Variants in ERC2 observed in about 807,000 individuals in gnomAD.
ERC2 encodes the protein ELKS/RAB6-interacting/CAST family member 2, also known as ERC protein 2.
A neutral mutation model predicts 114.8 loss-of-function variants in ERC2; 42 were observed. The ratio of observed to expected loss-of-function variants is 0.37; its 90% confidence interval spans 0.29 to 0.47. The LOEUF (loss-of-function observed/expected upper bound fraction) is 0.47. ERC2 is among the 20% of genes least tolerant of loss of function. The pLI is 0.99. For synonymous variants in ERC2, 454 were observed against 425.5 expected (o/e 1.07, Z -0.82); for missense variants, 939 against 1,150.7 (o/e 0.82, Z 2.66).
At chr3:56,218,034 C>A (rs1038312319) in intron 3 of ERC2, among the ~76,000 whole-genome samples, 2 of 152,172 alleles carry the variant, frequency 1.3e-5, no homozygotes, top group African/African-American at 4.8e-5. Context: ...ACCATAAAAA[C>A]CCTAGAAGAA....
At chr3:55,743,828 C>A (rs937526993) in intron 14 of ERC2, among the ~76,000 whole-genome samples, 1 of 152,086 alleles carries the variant, frequency 6.6e-6, no homozygotes, top group Non-Finnish European at 1.5e-5. Flanking sequence ...CTCACTGTCT[C>A]TGAAACTTCA....
intron 7 of ERC2, among the ~76,000 whole-genome samples, chr3:56,067,429 C>A (rs2076532925): frequency 6.6e-6 from 1 of 152,172 alleles, no homozygotes; most frequent in Non-Finnish European, 1.5e-5. Context: ...AGTTGCTTAT[C>A]ACCTTAAGGA....
chr3:56,288,462 G>C (rs911706694), intron 3 of ERC2, among the ~76,000 whole-genome samples: 1 of 152,092 alleles, frequency 6.6e-6, no homozygotes, highest in African/African-American at 2.4e-5. Context: ...AATGCCTTGT[G>C]TCTAATGGCT....
intron 17 of ERC2, chr3:55,610,491 C>G (rs1051974611): frequency 6.8e-6 from 1 of 146,680 alleles, no homozygotes; most frequent in Admixed American, 7.0e-5. Flanking sequence ...TAGTGAAATC[C>G]CATCTCTACG....
chr3:55,843,918 G>A (rs1010423576), intron 14 of ERC2, among the ~76,000 whole-genome samples: 2 of 152,182 alleles, frequency 1.3e-5, no homozygotes, highest in African/African-American at 4.8e-5. Flanking sequence ...GCTGGGCTTC[G>A]TAAATTGGAA....
At chr3:56,033,536 C>T (rs1455061712) in intron 7 of ERC2, among the ~76,000 whole-genome samples, 1 of 152,162 alleles carries the variant, frequency 6.6e-6, no homozygotes, top group African/African-American at 2.4e-5. Flanking sequence ...TAAAGAACTA[C>T]CACTAGCATT....
intron 7 of ERC2, among the ~76,000 whole-genome samples, chr3:56,059,708 C>CA (rs1053258089): frequency 2.2e-4 from 34 of 151,984 alleles, no homozygotes; most frequent in Non-Finnish European, 4.4e-4. Context: ...TAGGAAAAAA[C>CA]AAAAAACAAA....
intron 17 of ERC2, among the ~76,000 whole-genome samples, chr3:55,525,068 C>G (rs1335494228): frequency 6.6e-6 from 1 of 152,206 alleles, no homozygotes; most frequent in Non-Finnish European, 1.5e-5. Flanking sequence ...ATCCTCAGTC[C>G]TGACCAAACC....
intron 4 of ERC2, among the ~76,000 whole-genome samples, chr3:56,150,816 A>G (rs548176581): frequency 6.6e-6 from 1 of 152,166 alleles, no homozygotes; most frequent in African/African-American, 2.4e-5. Flanking sequence ...CCAGAAATAT[A>G]TATGTTGAAG....
At chr3:56,362,418 C>T (rs1335521471) in intron 2 of ERC2, among the ~76,000 whole-genome samples, 1 of 152,198 alleles carries the variant, frequency 6.6e-6, no homozygotes, top group Non-Finnish European at 1.5e-5. Context: ...CAAGATGCTG[C>T]TTTTGCCAGG....
intron 2 of ERC2, among the ~76,000 whole-genome samples, chr3:56,324,348 T>C (rs1003780862): frequency 5.9e-5 from 9 of 152,148 alleles, no homozygotes; most frequent in Non-Finnish European, 1.5e-5. Flanking sequence ...AATATACAGA[T>C]GCTCCTTGAC....
At chr3:56,038,251 C>T (rs2074928412) in intron 7 of ERC2, among the ~76,000 whole-genome samples, 1 of 152,110 alleles carries the variant, frequency 6.6e-6, no homozygotes, top group African/African-American at 2.4e-5. Context: ...AAACAAACAA[C>T]CCCATTAAAA....
intron 17 of ERC2, among the ~76,000 whole-genome samples, chr3:55,673,817 T>G (rs1263807928): frequency 1.3e-5 from 2 of 150,848 alleles, no homozygotes; most frequent in Admixed American, 6.6e-5. Flanking sequence ...TTTTTTTTTT[T>G]TTTTTTTTTT....
intron 1 of ERC2, among the ~76,000 whole-genome samples, chr3:56,460,858 C>T (rs955921015): frequency 1.3e-5 from 2 of 151,754 alleles, no homozygotes; most frequent in African/African-American, 4.8e-5. Context: ...TGGTGGCTCA[C>T]GCCTGTAATC....
At chr3:55,980,080 A>T (rs2069972173) in intron 12 of ERC2, among the ~76,000 whole-genome samples, 1 of 146,000 alleles carries the variant, frequency 6.8e-6, no homozygotes, top group African/African-American at 2.6e-5. Context: ...TATAGAACCC[A>T]CTATGTTTGC....
intron 17 of ERC2, among the ~76,000 whole-genome samples, chr3:55,607,681 G>A (rs999731280): frequency 6.0e-5 from 9 of 150,820 alleles, no homozygotes; most frequent in Non-Finnish European, 1.0e-4. Context: ...AACTGCTACG[G>A]AATAGACCCA....
chr3:56,432,520 G>C (rs564786839), intron 2 of ERC2, among the ~76,000 whole-genome samples: 2 of 152,302 alleles, frequency 1.3e-5, no homozygotes, highest in East Asian at 3.9e-4. Context: ...AAACCTTTCG[G>C]TTCCAACTAC....
At chr3:55,959,406 G>T (rs1478943636) in intron 12 of ERC2, among the ~76,000 whole-genome samples, 1 of 152,148 alleles carries the variant, frequency 6.6e-6, no homozygotes, top group Non-Finnish European at 1.5e-5. Context: ...GCCTATTCAG[G>T]AAGACCCCAA....
At chr3:56,030,575 T>C (rs970524668) in intron 7 of ERC2, among the ~76,000 whole-genome samples, 3 of 152,222 alleles carry the variant, frequency 2.0e-5, no homozygotes, top group Non-Finnish European at 4.4e-5. Flanking sequence ...TTACTGATGG[T>C]CCATAGTAAT....
Sources: allele counts gnomAD v4.1 joint callset (sites outside exome capture counted in the v4.1 genomes callset), GRCh38; gene constraint gnomAD v4.1.1; transcripts MANE v1.5; gene names NCBI Gene and HGNC (gene_info 2026-07-23, HGNC 2026-07-21).